Variants in HSD17B12 observed in about 807,000 individuals in gnomAD.
The protein encoded by HSD17B12 is very-long-chain 3-oxoacyl-CoA reductase.
Under a neutral mutation model 39.3 loss-of-function variants are expected in HSD17B12, and 32 were observed. That is an observed-to-expected ratio of 0.81 (90% CI 0.61 to 1.09). The LOEUF is 1.09. Among genes scored for constraint, HSD17B12 ranks in the 50% least tolerant of loss-of-function variants. The probability of loss-of-function intolerance (pLI) is 0.00; values close to 1 mark genes in which losing one functional copy is unlikely to be tolerated. For synonymous variants in HSD17B12, 150 were observed against 146.7 expected (o/e 1.02, Z -0.16); for missense variants, 342 against 382.9 (o/e 0.89, Z 0.89).
chr11:43,584,563 G>C, the HSD17B12 span: 1 of 152,254 alleles, frequency 6.6e-6, no homozygotes, highest in Non-Finnish European at 1.5e-5. Context: ...TTTTCAGGTG[G>C]TCAAACCTGT....
chr11:43,771,830 A>G (rs1209105696), intron 3 of HSD17B12, among the ~76,000 whole-genome samples: 2 of 152,078 alleles, frequency 1.3e-5, no homozygotes, highest in Non-Finnish European at 2.9e-5. Context: ...GATCTTTGGT[A>G]CTGAGATACC....
At chr11:43,635,870 G>A in the HSD17B12 span, among the ~76,000 whole-genome samples, 1 of 152,210 alleles carries the variant, frequency 6.6e-6, no homozygotes, top group East Asian at 1.9e-4. Context: ...TTTTGGATAT[G>A]TTGGGATAGC....
chr11:43,802,338 CTAT>C (rs1339340984), intron 4 of HSD17B12, among the ~76,000 whole-genome samples: 2 of 151,954 alleles, frequency 1.3e-5, no homozygotes, highest in African/African-American at 4.8e-5. Context: ...ATCTAAAATA[CTAT>C]TAATATTTCA....
At chr11:43,808,188 G>A (rs1358386742) in intron 4 of HSD17B12, among the ~76,000 whole-genome samples, 4 of 152,152 alleles carry the variant, frequency 2.6e-5, no homozygotes, top group African/African-American at 7.2e-5. Context: ...TAGTTGGGTC[G>A]CTGGGCACAC....
chr11:43,815,462 G>A lies in HSD17B12; in HGVS notation c.417G>A (p.Glu139=), dbSNP rs1162795366. 1 of 1,580,706 alleles carries A rather than the reference G, an allele frequency of 6.3e-7. No homozygotes were observed. Among genetic ancestry groups the A allele is most frequent in the Non-Finnish European group, 8.6e-7 (1 of 1,156,634 alleles). ...TGAACAACGTGGGAATGTCGTATGA[G>A]TATCCTGAATACTTTTTGGATGTTC... ...ILVNNVGMSY[E]YPEYFLDVPD... is the part of the protein sequence containing the mutation. The change falls in exon 5 of 11, where the codon GAG becomes GAA. Residue 139 remains glutamate, a synonymous_variant. Coordinates refer to ENST00000278353, the MANE Select transcript of HSD17B12 (RefSeq NM_016142.3).
intron 1 of HSD17B12, among the ~76,000 whole-genome samples, chr11:43,690,383 TATATATATA>T (rs1382675471): frequency 0.014 from 196 of 13,606 alleles, 13 homozygotes; most frequent in African/African-American, 0.023. Flanking sequence ...TATATATATA[TATATATATA>T]TATATATATA....
At chr11:43,684,425 G>A (rs1949778662) in intron 1 of HSD17B12, among the ~76,000 whole-genome samples, 1 of 152,252 alleles carries the variant, frequency 6.6e-6, no homozygotes, top group Non-Finnish European at 1.5e-5. Context: ...TCTGTAGAAT[G>A]TGGTTTGACC....
At chr11:43,600,908 T>C in the HSD17B12 span, among the ~76,000 whole-genome samples, 4 of 151,948 alleles carry the variant, frequency 2.6e-5, no homozygotes, top group African/African-American at 9.6e-5. Flanking sequence ...ACTTTATGTG[T>C]TGAGTTTTCT....
chr11:43,582,825 G>A, the HSD17B12 span, among the ~76,000 whole-genome samples: 9 of 152,258 alleles, frequency 5.9e-5, no homozygotes, highest in South Asian at 4.1e-4. Flanking sequence ...CAAGCTCTAA[G>A]GCTAAATCAG....
intron 1 of HSD17B12, among the ~76,000 whole-genome samples, chr11:43,696,180 G>T (rs1246065950): frequency 6.6e-6 from 1 of 152,084 alleles, no homozygotes; most frequent in East Asian, 1.9e-4. Flanking sequence ...ACATGATCTT[G>T]TTCTTTTTTA....
In HSD17B12 at chr11:43,726,629, C is replaced by T. The variant is rs552568499; in HGVS notation, c.161-24282C>T. Among the ~76,000 whole-genome samples the T allele has an allele frequency of 7.9e-4, 120 of 152,290 alleles. 2 individuals carry two copies. Among genetic ancestry groups the T allele is most frequent in the Non-Finnish European group, 1.0e-3 (70 of 68,028 alleles). ...GAGTGTCTTTTGTTGTTTGTTTCTTCACTTGGTTATCTCTTAAATGAAAGA... is the reference window on the plus strand; with the variant it reads ...GAGTGTCTTTTGTTGTTTGTTTCTTTACTTGGTTATCTCTTAAATGAAAGA... On this transcript the variant is annotated intron_variant, in intron 1 of 10. Coordinates refer to ENST00000278353, the MANE Select transcript of HSD17B12 (RefSeq NM_016142.3).
At chr11:43,577,273 C>G in the HSD17B12 span, among the ~76,000 whole-genome samples, 2 of 151,934 alleles carry the variant, frequency 1.3e-5, no homozygotes, top group Admixed American at 6.5e-5. Context: ...GAGAGGGATA[C>G]GGGGACGAGA....
the HSD17B12 span, among the ~76,000 whole-genome samples, chr11:43,607,304 G>GTA: frequency 2.3e-4 from 35 of 151,844 alleles, no homozygotes; most frequent in Middle Eastern, 6.8e-3. Context: ...GTGTGTGTGT[G>GTA]TGTGTGTGTG....
At chr11:43,677,486 C>T (rs1949702166), upstream of HSD17B12, among the ~76,000 whole-genome samples, 1 of 152,144 alleles carries the variant, frequency 6.6e-6, no homozygotes, top group African/African-American at 2.4e-5. Context: ...TACATGTCCA[C>T]AATGTGCAGG....
At chr11:43,777,971 A>C (rs1221670714) in intron 3 of HSD17B12, among the ~76,000 whole-genome samples, 3 of 152,196 alleles carry the variant, frequency 2.0e-5, no homozygotes, top group Non-Finnish European at 4.4e-5. Context: ...GAAGGCAAGA[A>C]ATAATTAAAA....
the HSD17B12 span, among the ~76,000 whole-genome samples, chr11:43,567,372 G>T: frequency 6.6e-6 from 1 of 152,050 alleles, no homozygotes; most frequent in African/African-American, 2.4e-5. Flanking sequence ...GTTGAACCTC[G>T]GCATGGGACT....
the HSD17B12 span, among the ~76,000 whole-genome samples, chr11:43,656,257 A>G: frequency 6.6e-6 from 1 of 151,538 alleles, no homozygotes; most frequent in Non-Finnish European, 1.5e-5. Flanking sequence ...CCCCCTTTGT[A>G]ATTTTTTATT....
chr11:43,680,041 T>C (rs966064342), upstream of HSD17B12, among the ~76,000 whole-genome samples: 3 of 148,664 alleles, frequency 2.0e-5, no homozygotes, highest in African/African-American at 7.4e-5. Flanking sequence ...GAGTTGAAAA[T>C]AAAACTGTGG....
chr11:43,775,237 G>A (rs529111025), intron 3 of HSD17B12, among the ~76,000 whole-genome samples: 2 of 152,190 alleles, frequency 1.3e-5, no homozygotes, highest in African/African-American at 2.4e-5. Context: ...AGCCTGATGA[G>A]ACCATGAACA....
Sources: allele counts gnomAD v4.1 joint callset (sites outside exome capture counted in the v4.1 genomes callset), GRCh38; gene constraint gnomAD v4.1.1; transcripts MANE v1.5; gene names NCBI Gene and HGNC (gene_info 2026-07-23, HGNC 2026-07-21).